The following GNA11 variants were observed in gnomAD, a reference collection of about 807,000 sequenced individuals.
GNA11 encodes G protein subunit alpha 11, also known as guanine nucleotide-binding protein subunit alpha-11.
GNA11 carries 8 observed loss-of-function variants against 38.2 expected under a neutral mutation model. That is an observed-to-expected ratio of 0.21 (90% CI 0.12 to 0.38). GNA11 has a LOEUF of 0.38. Among genes scored for constraint, GNA11 ranks in the 10% least tolerant of loss-of-function variants. The pLI, the probability that GNA11 is intolerant of heterozygous loss-of-function variation, is 1.00. For synonymous variants in GNA11, 211 were observed against 221.4 expected, an observed-to-expected ratio of 0.95 and a Z score of 0.42; for missense variants, 268 against 516.3, an observed-to-expected ratio of 0.52 and a Z score of 4.66.
chr19:3,098,373 C>T (rs1040090976), intron 1 of GNA11, among the ~76,000 whole-genome samples: 5 of 152,240 alleles, frequency 3.3e-5, no homozygotes, highest in Non-Finnish European at 1.5e-5. Context: ...GATCTGGGTT[C>T]CCATTCCCCA....
chr19:3,098,613 CCT>C (rs1913429340), intron 1 of GNA11, among the ~76,000 whole-genome samples: 1 of 152,258 alleles, frequency 6.6e-6, no homozygotes, highest in Non-Finnish European at 1.5e-5. Context: ...CCGGAGGCTT[CCT>C]GTCCGGCCTG....
chr19:3,099,430 G>C (rs1435771026), intron 1 of GNA11, among the ~76,000 whole-genome samples: 1 of 152,210 alleles, frequency 6.6e-6, no homozygotes, highest in Non-Finnish European at 1.5e-5. Flanking sequence ...TTATCTGGCA[G>C]AAATTAAGTC....
At chr19:3,097,042 C>T (rs180903866) in intron 1 of GNA11, among the ~76,000 whole-genome samples, 13 of 152,230 alleles carry the variant, frequency 8.5e-5, no homozygotes, top group Non-Finnish European at 1.6e-4. Context: ...GGGCTGGGGC[C>T]TCAGGGTGCA....
chr19:3,117,310 C>G (rs1251533985), intron 4 of GNA11: 1 of 152,432 alleles, frequency 6.6e-6, no homozygotes, highest in Non-Finnish European at 1.5e-5. Context: ...CCTGTCCCCT[C>G]CCTGAGCTGA....
At position 3,113,458 on chromosome 19, in the gene GNA11, G is replaced by A. The variant is rs1181395352; in HGVS notation, c.450G>A (p.Glu150=). ...AGGAATGCTACGACCGCAGGCGCGAGTACCAGCTCTCCGACTCTGCCAAGT... is the reference window on the plus strand; with the variant it reads ...AGGAATGCTACGACCGCAGGCGCGAATACCAGCTCTCCGACTCTGCCAAGT... ...GIQECYDRRR[E]YQLSDSAKYY... Residue 150 remains glutamate, a synonymous_variant, in exon 3 of 7, where the codon GAG becomes GAA. Transcript: ENST00000078429. 2 of 1,609,744 alleles carry A rather than the reference G, an allele frequency of 1.2e-6. No homozygotes were observed. Among genetic ancestry groups the A allele is most frequent in the African/African-American group, 2.7e-5 (2 of 74,846 alleles).
At chr19:3,116,263 C>T (rs930354947) in intron 4 of GNA11, among the ~76,000 whole-genome samples, 36 of 152,170 alleles carry the variant, frequency 2.4e-4, no homozygotes, top group Admixed American at 2.0e-4. Flanking sequence ...ACATCTCCAG[C>T]GCTGAGGTCC....
chr19:3,114,076 C>A (rs528523573), intron 3 of GNA11, among the ~76,000 whole-genome samples: 1 of 152,168 alleles, frequency 6.6e-6, no homozygotes, highest in African/African-American at 2.4e-5. Context: ...CCCCGGCCCT[C>A]CCCCAGCACC....
intron 1 of GNA11, among the ~76,000 whole-genome samples, chr19:3,097,674 G>A (rs973676434): frequency 6.6e-6 from 1 of 152,242 alleles, no homozygotes; most frequent in African/African-American, 2.4e-5. Context: ...GGGTGGGGGG[G>A]ACCTTACGGA....
Position 3,120,770 on chromosome 19 carries a change from G to C in GNA11, c.890-219G>C, listed in dbSNP as rs1420213334. ...TGCAGAGCCCCAGGTTGGAGGCCTGGGCCGTGACAGTAGTGCCCTGGGGCT... is the reference window on the plus strand; with the variant it reads ...TGCAGAGCCCCAGGTTGGAGGCCTGCGCCGTGACAGTAGTGCCCTGGGGCT... On this transcript the variant is annotated intron_variant, in intron 6 of 6. Transcript: ENST00000078429. This position sits in a 1 kb window ranked among gnomAD's most constrained non-coding sequence, Gnocchi z 5.9. 2.6e-5 allele frequency among the ~76,000 whole-genome samples: 4 copies of C among 152,126 alleles called. No individual in the cohort carries two copies. Among genetic ancestry groups the C allele is most frequent in the Admixed American group, 2.6e-4 (4 of 15,290 alleles).
Position 3,122,265 on chromosome 19 carries a change from G to A in GNA11, c.*1086G>A, listed in dbSNP as rs994193948. On this transcript the variant is annotated 3_prime_UTR_variant, in exon 7 of 7. Transcript: ENST00000078429. This position sits in a 1 kb window ranked among gnomAD's most constrained non-coding sequence, Gnocchi z 7.7. ...GTACCCGAGAGGCAGAGAGAGGGAC[G>A]TGGCCGGCAGCTCTGTGCGTGGCCT... 26 of 232,694 alleles carry A rather than the reference G, an allele frequency of 1.1e-4. No homozygotes were observed. The highest frequency in any genetic ancestry group is 5.1e-4 in the African/African-American group (23 of 45,322). 14.4% of individuals were successfully genotyped at this position (232,694 alleles called of 1,614,324 possible). A position where few individuals can be genotyped will look rare whatever the true frequency, so the allele number is the denominator to read the frequency against.
chr19:3,099,523 T>C (rs920645092), intron 1 of GNA11, among the ~76,000 whole-genome samples: 2 of 152,190 alleles, frequency 1.3e-5, no homozygotes, highest in South Asian at 4.1e-4. Flanking sequence ...CGCCAGGCCC[T>C]GTGTGGAGCA....
Position 3,119,409 on chromosome 19 carries a change from G to GTT in GNA11, c.889+50_889+51insTT. 2.6e-6 allele frequency: 4 copies of GTT among 1,557,678 alleles called. No homozygotes were observed. Among genetic ancestry groups the GTT allele is most frequent in the South Asian group, 1.2e-5 (1 of 85,676 alleles). On this transcript the variant is annotated intron_variant, in intron 6 of 6. Coordinates refer to ENST00000078429, the MANE Select transcript of GNA11 (RefSeq NM_002067.5). This position sits in a 1 kb window ranked among gnomAD's most constrained non-coding sequence, Gnocchi z 4.6. ...GGGGCTCGCGGGCAGGGCCTTACTG[G>GTT]GGGGAGGGGGCTGATATGGGAGAGG...
At position 3,114,965 on chromosome 19, in the gene GNA11, C is replaced by T. The variant is rs1913871790; in HGVS notation, c.498C>T (p.Arg166=). ...SAKYYLTDVD[R]IATLGYLPTQ... ...GCAGCTACCTGACCGACGTTGACCG[C>T]ATCGCCACCTTGGGCTACCTGCCCA... is the stretch of plus-strand genomic sequence containing the variant. Residue 166 remains arginine (R), a synonymous_variant, in exon 4 of 7, where the codon CGC becomes CGT. Transcript: ENST00000078429. 1 of 1,612,524 alleles carries T rather than the reference C, an allele frequency of 6.2e-7. No homozygotes were observed. Among genetic ancestry groups the T allele is most frequent in the South Asian group, 1.1e-5 (1 of 91,050 alleles).
chr19:3,107,125 A>G (rs1182722830), intron 1 of GNA11, among the ~76,000 whole-genome samples: 1 of 151,158 alleles, frequency 6.6e-6, no homozygotes, highest in Non-Finnish European at 1.5e-5. Context: ...AGTCCTAGCT[A>G]CTTGGGAGGC....
chr19:3,112,084 TCAG>T (rs149862916), intron 2 of GNA11, among the ~76,000 whole-genome samples: 17 of 152,240 alleles, frequency 1.1e-4, no homozygotes, highest in Non-Finnish European at 2.4e-4. Flanking sequence ...CCATGGTGCT[TCAG>T]CAGCAGCAGC....
chr19:3,100,472 G>T (rs184363911), intron 1 of GNA11, among the ~76,000 whole-genome samples: 190 of 152,346 alleles, frequency 1.2e-3, no homozygotes, highest in African/African-American at 4.4e-3. Flanking sequence ...TGCTTGGCGA[G>T]TGACCGTCAT....
rs767752518 is a variant in GNA11 at position 3,119,405 on chromosome 19, A to C, written c.889+46A>C. On this transcript the variant is annotated intron_variant, in intron 6 of 6. Transcript: ENST00000078429. This position sits in a 1 kb window ranked among gnomAD's most constrained non-coding sequence, Gnocchi z 4.6. ...GGGAGGGGCTCGCGGGCAGGGCCTT[A>C]CTGGGGGGAGGGGGCTGATATGGGA... 1.7e-5 allele frequency: 27 copies of C among 1,571,006 alleles called. No homozygotes were observed. Among genetic ancestry groups the C allele is most frequent in the East Asian group, 4.5e-5 (2 of 44,540 alleles).
In GNA11 at chr19:3,110,677, G is replaced by C. The variant is rs1236398705; in HGVS notation, c.321+344G>C. On this transcript the variant is annotated intron_variant, in intron 2 of 6. Coordinates refer to ENST00000078429, the MANE Select transcript of GNA11 (RefSeq NM_002067.5). The surrounding 1 kb of genome is among the most constrained non-coding windows in gnomAD (Gnocchi z 5.4). ...CCAGGTCGCCTTGGGAGTAAGCAGC[G>C]TGAGCTCCTGGTTCCGGCCCCTTCC... is the stretch of plus-strand genomic sequence containing the variant. Among the ~76,000 whole-genome samples the C allele has an allele frequency of 6.6e-6, 1 of 152,218 alleles. No homozygotes were observed. Among genetic ancestry groups the C allele is most frequent in the Non-Finnish European group, 1.5e-5 (1 of 68,032 alleles).
rs308056 is a variant in GNA11 at position 3,106,590 on chromosome 19, G to T, written c.137-3559G>T. On this transcript the variant is annotated intron_variant, in intron 1 of 6. Coordinates refer to ENST00000078429, the MANE Select transcript of GNA11 (RefSeq NM_002067.5). Reference sequence around the variant, plus strand: ...TCCCTCTGCAACCTCTCCTGGCTTTGGTGGGTTATGTGGGAGACACGAGTG... The same window carrying T: ...TCCCTCTGCAACCTCTCCTGGCTTTTGTGGGTTATGTGGGAGACACGAGTG... 3.9e-5 allele frequency among the ~76,000 whole-genome samples: 6 copies of T among 152,172 alleles called. No individual in the cohort carries two copies. In the South Asian group the frequency reaches 1.2e-3, roughly 32 times the overall value.
Sources: gnomAD v4.1 joint callset for allele counts (sites outside exome capture counted in the v4.1 genomes callset) on GRCh38, gnomAD v4.1.1 for gene constraint, Gnocchi (gnomAD v3.1) non-coding constraint, MANE v1.5 for transcripts, NCBI Gene and HGNC (gene_info 2026-07-23, HGNC 2026-07-21) for gene names.